The following SAMSN1 variants were observed in gnomAD, a reference collection of about 807,000 sequenced individuals.
SAMSN1 encodes SAM domain-containing protein SAMSN-1.
Under a neutral mutation model 42.0 loss-of-function variants are expected in SAMSN1, and 31 were observed. The observed-to-expected ratio is 0.74, with a 90% CI of 0.55 to 1.00. The LOEUF is 1.00. Ranked by LOEUF, SAMSN1 falls within the 50% of genes least tolerant of loss-of-function variation. The pLI, the probability that SAMSN1 is intolerant of heterozygous loss-of-function variation, is 0.00. For synonymous variants in SAMSN1, 178 were observed against 151.9 expected (o/e 1.17, Z -1.26); for missense variants, 464 against 439.4 (o/e 1.06, Z -0.50).
At chr21:14,654,587 GA>G (rs974904643) in intron 1 of SAMSN1, among the ~76,000 whole-genome samples, 2 of 151,954 alleles carry the variant, frequency 1.3e-5, no homozygotes, top group African/African-American at 4.8e-5. Context: ...AAAGAGGGCT[GA>G]AAAAAGCTTC....
At chr21:14,658,232 T>A (rs893710620) in intron 1 of SAMSN1, among the ~76,000 whole-genome samples, 1 of 151,828 alleles carries the variant, frequency 6.6e-6, no homozygotes, top group Non-Finnish European at 1.5e-5. Context: ...TACCCTTGAG[T>A]AAGCACATCT....
intron 2 of SAMSN1, among the ~76,000 whole-genome samples, chr21:14,557,552 C>T (rs1980803810): frequency 6.6e-6 from 1 of 152,156 alleles, no homozygotes; most frequent in Non-Finnish European, 1.5e-5. Context: ...CTGGTGTTTT[C>T]TTGCTGTCAC....
intron 2 of SAMSN1, among the ~76,000 whole-genome samples, chr21:14,551,977 G>T (rs1328196481): frequency 6.6e-6 from 1 of 152,078 alleles, no homozygotes; most frequent in Admixed American, 6.6e-5. Flanking sequence ...TGACTGTTCG[G>T]GTCAGGAATG....
chr21:14,491,864 T>A (rs1362728569), intron 7 of SAMSN1, among the ~76,000 whole-genome samples: 2 of 152,226 alleles, frequency 1.3e-5, no homozygotes, highest in Admixed American at 1.3e-4. Flanking sequence ...CTAATCTAAT[T>A]TCATTATGTC....
rs567722924 is a variant in SAMSN1 at position 14,599,029 on chromosome 21, C to G, written c.399+2994G>C. On this transcript the variant is annotated intron_variant, in intron 6 of 15. Transcript: ENST00000647101. ...AGGCTGTTGTCTTCCAAGACCATAC[C>G]TAAGCCAAGTTTGGGTTTATAAAGT... 7.2e-5 allele frequency among the ~76,000 whole-genome samples: 11 copies of G among 152,204 alleles called. No individual in the cohort carries two copies. In the South Asian group the frequency reaches 2.3e-3, roughly 32 times the overall value.
chr21:14,606,002 C>T lies in SAMSN1; in HGVS notation c.322+3480G>A, dbSNP rs753355056. Among the ~76,000 whole-genome samples, 179 of 151,760 alleles carry T rather than the reference C, an allele frequency of 1.2e-3. 1 individual carries two copies. The highest frequency in any genetic ancestry group is 2.1e-3 in the Non-Finnish European group (143 of 67,920). On this transcript the variant is annotated intron_variant, in intron 5 of 15. Coordinates refer to the SAMSN1 transcript ENST00000647101. ...GACTACAGGCGCCCGCCACCACGCCCGGCTAATTTTTTGTATTTTTGTAGA... is the reference window on the plus strand; with the variant it reads ...GACTACAGGCGCCCGCCACCACGCCTGGCTAATTTTTTGTATTTTTGTAGA...
chr21:14,534,555 G>A (rs1310495173), intron 1 of SAMSN1, among the ~76,000 whole-genome samples: 3 of 150,358 alleles, frequency 2.0e-5, no homozygotes, highest in Non-Finnish European at 4.4e-5. Context: ...TCTCGCTGTC[G>A]CCCAGGCTGG....
upstream of SAMSN1, chr21:14,585,469 G>A (rs180790029): frequency 6.6e-6 from 1 of 152,290 alleles, no homozygotes; most frequent in African/African-American, 2.4e-5. Flanking sequence ...ATATACCAGG[G>A]AAATGGAACT....
intron 6 of SAMSN1, among the ~76,000 whole-genome samples, chr21:14,499,818 C>T (rs1987069885): frequency 6.6e-6 from 1 of 151,850 alleles, no homozygotes; most frequent in Non-Finnish European, 1.5e-5. Context: ...CAGAAAAAAA[C>T]AATTAAGAAA....
At chr21:14,528,436 C>A (rs1979020617) in intron 1 of SAMSN1, among the ~76,000 whole-genome samples, 1 of 152,128 alleles carries the variant, frequency 6.6e-6, no homozygotes, top group African/African-American at 2.4e-5. Flanking sequence ...CATAAGGCAC[C>A]CTCTGCCTGC....
At chr21:14,611,116 G>A (rs1292071225) in intron 4 of SAMSN1, among the ~76,000 whole-genome samples, 1 of 151,508 alleles carries the variant, frequency 6.6e-6, no homozygotes, top group African/African-American at 2.4e-5. Flanking sequence ...GTAGAGACAG[G>A]GTCATAGTCA....
intron 2 of SAMSN1, among the ~76,000 whole-genome samples, chr21:14,635,951 C>T (rs1278193316): frequency 3.9e-5 from 6 of 152,018 alleles, no homozygotes; most frequent in Non-Finnish European, 8.8e-5. Flanking sequence ...CTAATGCTAT[C>T]CCTCCCCCAG....
At chr21:14,549,660 T>C (rs1980535631), upstream of SAMSN1, among the ~76,000 whole-genome samples, 1 of 152,150 alleles carries the variant, frequency 6.6e-6, no homozygotes. Context: ...AACCCAACTC[T>C]GAAATTAAGA....
rs1987574217 is a variant in SAMSN1, at chr21:14,509,388, T to G, written c.561+922A>C. 2.0e-5 allele frequency among the ~76,000 whole-genome samples: 3 copies of G among 152,250 alleles called. No homozygotes were observed. The South Asian group carries it at 6.2e-4, about 32-fold the overall frequency. On this transcript the variant is annotated intron_variant, in intron 5 of 7. Coordinates refer to ENST00000400566, the MANE Select transcript of SAMSN1 (RefSeq NM_022136.5). ...AGGCATAGGAATGACCCAACGGACT[T>G]TGGGGACTTGGGGAAAGGGTGAGAA...
chr21:14,653,709 C>T (rs985180632), intron 1 of SAMSN1, among the ~76,000 whole-genome samples: 2 of 151,954 alleles, frequency 1.3e-5, no homozygotes, highest in Non-Finnish European at 2.9e-5. Flanking sequence ...CCCCATTCTC[C>T]ATGATGTGCT....
chr21:14,645,986 C>T (rs1262387870), intron 1 of SAMSN1, among the ~76,000 whole-genome samples: 1 of 151,854 alleles, frequency 6.6e-6, no homozygotes, highest in African/African-American at 2.4e-5. Context: ...GAAAAAAGAA[C>T]AAAAAACAAC....
At chr21:14,610,493 T>C (rs547606382) in intron 4 of SAMSN1, among the ~76,000 whole-genome samples, 7 of 152,194 alleles carry the variant, frequency 4.6e-5, no homozygotes, top group Non-Finnish European at 1.0e-4. Flanking sequence ...TGCCTTGTGA[T>C]CTTTTGTCGC....
chr21:14,571,607 T>C (rs1446763006), intron 2 of SAMSN1, among the ~76,000 whole-genome samples: 2 of 152,226 alleles, frequency 1.3e-5, no homozygotes, highest in African/African-American at 4.8e-5. Flanking sequence ...CTGAGCGATA[T>C]ATTATGACTT....
At chr21:14,642,487 T>C (rs562582062) in intron 2 of SAMSN1, among the ~76,000 whole-genome samples, 1 of 152,166 alleles carries the variant, frequency 6.6e-6, no homozygotes, top group Admixed American at 6.5e-5. Flanking sequence ...AATTATTAAC[T>C]AAATATTCAG....
Sources: gnomAD v4.1 joint callset for allele counts (sites outside exome capture counted in the v4.1 genomes callset) on GRCh38, gnomAD v4.1.1 for gene constraint, MANE v1.5 for transcripts, NCBI Gene and HGNC (gene_info 2026-07-23, HGNC 2026-07-21) for gene names.